Variants in SPG11 observed in about 807,000 individuals in gnomAD.
SPG11 encodes the protein spatacsin.
In SPG11, 222 loss-of-function variants were observed where a neutral mutation model predicts 274.0. That is an observed-to-expected ratio of 0.81 (90% CI 0.73 to 0.91). The LOEUF (loss-of-function observed/expected upper bound fraction) is 0.91. Ranked by LOEUF, SPG11 falls within the 40% of genes least tolerant of loss-of-function variation. The pLI, the probability that SPG11 is intolerant of heterozygous loss-of-function variation, is 0.00. For missense variants in SPG11, 3,114 were observed against 2,872.7 expected (o/e 1.08, Z -1.92); for synonymous variants, 1,144 against 1,039.7 (o/e 1.10, Z -1.93).
Position 44,573,532 on chromosome 15 carries a change from C to CGG in SPG11, c.6205+13_6205+14dup. On this transcript the variant is annotated intron_variant, in intron 32 of 39. Coordinates refer to ENST00000261866, the MANE Select transcript of SPG11 (RefSeq NM_025137.4). ...TGCTGTCAGAGAGGTTGGGAATCCC[C>CGG]GGGGGGTAGGGCACCTGTTCCCTGT... is the stretch of plus-strand genomic sequence containing the variant. 6.2e-7 allele frequency: 1 copy of CGG among 1,614,008 alleles called. No homozygotes were observed. The highest frequency in any genetic ancestry group is 8.5e-7 in the Non-Finnish European group (1 of 1,179,954).
intron 18 of SPG11, among the ~76,000 whole-genome samples, chr15:44,610,132 A>G (rs1342004320): frequency 6.6e-6 from 1 of 151,508 alleles, no homozygotes; most frequent in Admixed American, 6.6e-5. Flanking sequence ...TGAACTCCTG[A>G]CTTCAAGTGA....
intron 28 of SPG11, among the ~76,000 whole-genome samples, chr15:44,587,687 C>A (rs944390634): frequency 2.4e-5 from 2 of 84,532 alleles, no homozygotes; most frequent in Non-Finnish European, 4.0e-5. Flanking sequence ...CAGAGCCAGA[C>A]TGTCTCAAAA....
chr15:44,642,471 A>G (rs986519904), intron 7 of SPG11, among the ~76,000 whole-genome samples: 13 of 151,532 alleles, frequency 8.6e-5, no homozygotes, highest in African/African-American at 1.2e-4. Flanking sequence ...CAGTGGTTCC[A>G]TTTTATGCAA....
At chr15:44,571,496 CTTTTTTTTT>C (rs796235342) in intron 33 of SPG11, among the ~76,000 whole-genome samples, 2 of 126,134 alleles carry the variant, frequency 1.6e-5, no homozygotes, top group South Asian at 5.2e-4. Context: ...AATTTCTTTT[CTTTTTTTTT>C]TTTTTTTTTT....
intron 26 of SPG11, among the ~76,000 whole-genome samples, chr15:44,592,870 T>C (rs2082938619): frequency 1.3e-5 from 2 of 151,902 alleles, no homozygotes; most frequent in Admixed American, 6.6e-5. Context: ...CATGTGCCTA[T>C]AGTCCCAGCT....
intron 35 of SPG11, among the ~76,000 whole-genome samples, chr15:44,568,197 G>A (rs972545035): frequency 6.6e-6 from 1 of 152,150 alleles, no homozygotes; most frequent in Non-Finnish European, 1.5e-5. Context: ...GGCTTTTTCT[G>A]TGTTGTTCTG....
chr15:44,622,555 G>T, intron 12 of SPG11, 173 bp downstream of exon 12: 1 of 741,302 alleles, frequency 1.3e-6, no homozygotes, highest in Non-Finnish European at 2.2e-6. Context: ...ATGTAAAATA[G>T]TCATTGAAGA....
chr15:44,615,006 A>C (rs1386610621), intron 16 of SPG11, among the ~76,000 whole-genome samples: 2 of 152,232 alleles, frequency 1.3e-5, no homozygotes, highest in East Asian at 3.8e-4. Flanking sequence ...CTATGAAATC[A>C]AAGTTGCTTA....
At chr15:44,650,631 A>T (rs2084742404) in intron 6 of SPG11, among the ~76,000 whole-genome samples, 1 of 151,948 alleles carries the variant, frequency 6.6e-6, no homozygotes, top group Non-Finnish European at 1.5e-5. Flanking sequence ...GCCTAAAAAA[A>T]AAAAAAAGTA....
chr15:44,662,874 C>G (rs2085157702), intron 1 of SPG11, among the ~76,000 whole-genome samples: 2 of 152,126 alleles, frequency 1.3e-5, no homozygotes, highest in African/African-American at 4.8e-5. Flanking sequence ...AGCAAGCACA[C>G]AATATTTGCT....
intron 17 of SPG11, among the ~76,000 whole-genome samples, chr15:44,612,246 A>G (rs557589745): frequency 6.6e-6 from 1 of 152,366 alleles, no homozygotes; most frequent in Admixed American, 6.5e-5. Flanking sequence ...TAGGAGCTCA[A>G]TAAATATTTG....
chr15:44,623,452 T>C (rs1266226840), intron 11 of SPG11, among the ~76,000 whole-genome samples: 2 of 152,110 alleles, frequency 1.3e-5, no homozygotes, highest in African/African-American at 4.8e-5. Flanking sequence ...CCTCTGCACC[T>C]CCTGAAAGTT....
chr15:44,575,611 C>G (rs1175070603), intron 30 of SPG11, among the ~76,000 whole-genome samples: 6 of 151,570 alleles, frequency 4.0e-5, no homozygotes, highest in African/African-American at 4.9e-5. Flanking sequence ...TCTCGTGCCT[C>G]AGCCTCTCGA....
In SPG11 at chr15:44,621,799, TAG is replaced by T; in HGVS notation, c.2578_2579del (p.Leu860AsnfsTer21). 6.2e-7 allele frequency: 1 copy of T among 1,614,048 alleles called. No homozygotes were observed. Among genetic ancestry groups the T allele is most frequent in the Non-Finnish European group, 8.5e-7 (1 of 1,179,954 alleles). ...VLNWALWWDQLTQESILLPRI... is the reference protein window; with the variant it reads ...VLNWALWWDQXTQESILLPRI... ...TGGGGAGAAGGATGGATTCTTGTGT[TAG>T]TTGATCCCACCACAGAGCCCAATTT... On this transcript the variant is annotated frameshift_variant, in exon 14 of 40. Coordinates refer to ENST00000261866, the MANE Select transcript of SPG11 (RefSeq NM_025137.4). LOFTEE classifies it high-confidence loss of function.
chr15:44,585,495 G>A (rs1221928137), intron 29 of SPG11, 141 bp downstream of exon 29: 12 of 638,910 alleles, frequency 1.9e-5, no homozygotes, highest in Non-Finnish European at 3.0e-5. Context: ...CCAGCTACTC[G>A]GGAGGCTGAG....
Position 44,573,672 on chromosome 15 carries a change from TG to T in SPG11, c.6079del (p.Gln2027SerfsTer31). 1 of 1,614,228 alleles carries T rather than the reference TG, an allele frequency of 6.2e-7. No individual in the cohort carries two copies. Reference sequence around the variant, plus strand: ...GGCTCGTTTGCATCGGTCAGGCTGCTGAGAGGCCAAGATTTTCCGGAGCATG... The same window carrying T: ...GGCTCGTTTGCATCGGTCAGGCTGCTAGAGGCCAAGATTTTCCGGAGCATG... ...EAMLRKILASQQPDRCKRAQA... is the reference protein window; with the variant it reads ...EAMLRKILASXQPDRCKRAQA... On this transcript the variant is annotated frameshift_variant, in exon 32 of 40. Transcript: ENST00000261866. LOFTEE classifies it high-confidence loss of function.
At chr15:44,568,161 C>T (rs2082347422) in intron 35 of SPG11, among the ~76,000 whole-genome samples, 1 of 152,222 alleles carries the variant, frequency 6.6e-6, no homozygotes. Context: ...TTGTTAGTGA[C>T]TGTCTCCAGA....
chr15:44,575,838 AT>A (rs969722898), intron 30 of SPG11, among the ~76,000 whole-genome samples: 1 of 151,984 alleles, frequency 6.6e-6, no homozygotes, highest in African/African-American at 2.4e-5. Flanking sequence ...TCTATTCCTG[AT>A]TTTTTTTAAA....
intron 7 of SPG11, among the ~76,000 whole-genome samples, chr15:44,637,181 G>T (rs938491791): frequency 2.6e-5 from 4 of 152,126 alleles, no homozygotes; most frequent in Non-Finnish European, 5.9e-5. Flanking sequence ...AAGAATTAGT[G>T]CACTGGGAGA....
Sources: allele counts gnomAD v4.1 joint callset (sites outside exome capture counted in the v4.1 genomes callset), GRCh38; gene constraint gnomAD v4.1.1; transcripts MANE v1.5; gene names NCBI Gene and HGNC (gene_info 2026-07-23, HGNC 2026-07-21).